Variants in ATP1A3 observed in about 807,000 individuals in gnomAD.
ATP1A3 encodes ATPase Na+/K+ transporting subunit alpha 3, also known as sodium/potassium-transporting ATPase subunit alpha-3.
A neutral mutation model predicts 108.8 loss-of-function variants in ATP1A3; 12 were observed. The ratio of observed to expected loss-of-function variants is 0.11; its 90% CI spans 0.07 to 0.18. The LOEUF is 0.18. Ranked by LOEUF, ATP1A3 falls within the 10% of genes least tolerant of loss-of-function variation. ATP1A3 has a pLI of 1.00. For missense variants in ATP1A3, 498 were observed against 1,387.7 expected, an observed-to-expected ratio of 0.36 and a Z score of 10.19; for synonymous variants, 539 against 564.5, an observed-to-expected ratio of 0.95 and a Z score of 0.64.
Position 41,994,106 on chromosome 19 carries a change from C to T in ATP1A3, c.-30G>A. The T allele has an allele frequency of 1.3e-6, 2 of 1,571,520 alleles. No homozygotes were observed. The highest frequency in any genetic ancestry group is 1.7e-6 in the Non-Finnish European group (2 of 1,163,612). ...GCGGCTCCGCGGCGAGAGAGCCAGG[C>T]GGGCGGGGCGGGGACCTCGGGGCGG... is the stretch of plus-strand genomic sequence containing the variant. On this transcript the variant is annotated 5_prime_UTR_variant, in exon 1 of 23. Transcript: ENST00000648268.
Position 41,966,838 on chromosome 19 carries a change from G to A in ATP1A3, c.*99C>T, listed in dbSNP as rs1555858636. ...GGGCCAAGGTGGGGCCACAGGAAGA[G>A]AGGGCTCCTCCCCCCAGAATACAAA... On this transcript the variant is annotated 3_prime_UTR_variant, in exon 23 of 23. Transcript: ENST00000648268. 2 of 1,547,178 alleles carry A rather than the reference G, an allele frequency of 1.3e-6. No homozygotes were observed. The highest frequency in any genetic ancestry group is 4.9e-5 in the East Asian group (2 of 40,872).
rs569173040 is a variant in ATP1A3 at position 41,978,955 on chromosome 19, G to A, written c.1438-157C>T. ...CAGAGACCTCTGCTCATTCCTGTCCGCTCTGTCTATGTCATGGATATATAT... is the reference window on the plus strand; with the variant it reads ...CAGAGACCTCTGCTCATTCCTGTCCACTCTGTCTATGTCATGGATATATAT... On this transcript the variant is annotated intron_variant, in intron 11 of 22. Transcript: ENST00000648268. This position sits in a 1 kb window ranked among gnomAD's most constrained non-coding sequence, Gnocchi z 8.3. Among the ~76,000 whole-genome samples, 1 of 152,134 alleles carries A rather than the reference G, an allele frequency of 6.6e-6. No homozygotes were observed. The highest frequency in any genetic ancestry group is 1.9e-4 in the East Asian group (1 of 5,180).
Position 41,982,334 on chromosome 19 carries a change from A to G in ATP1A3, c.994-228T>C, listed in dbSNP as rs1008952646. ...TGCTCATAGCAGCCACATGCATAAT[A>G]GTGCAAAACAGCCAGGTGCAGTGGC... On this transcript the variant is annotated intron_variant, in intron 8 of 22. Coordinates refer to ENST00000648268, the MANE Select transcript of ATP1A3 (RefSeq NM_152296.5). 2.6e-5 allele frequency among the ~76,000 whole-genome samples: 4 copies of G among 152,106 alleles called. No homozygotes were observed. In the East Asian group the frequency reaches 7.7e-4, roughly 29 times the overall value.
At chr19:41,980,550 T>C (rs1361193984) in intron 11 of ATP1A3, among the ~76,000 whole-genome samples, 1 of 151,966 alleles carries the variant, frequency 6.6e-6, no homozygotes, top group African/African-American at 2.4e-5. Context: ...GAGACAGAGG[T>C]TGCAGTGAGC....
intron 1 of ATP1A3, among the ~76,000 whole-genome samples, chr19:41,991,474 G>C (rs986462280): frequency 5.9e-5 from 9 of 152,198 alleles, no homozygotes; most frequent in Non-Finnish European, 1.0e-4. Flanking sequence ...CTACAGTGCC[G>C]GGGTGGTCTC....
rs769321266 is a variant in ATP1A3, at chr19:41,978,479, CCATTCATT to C, written c.1630+119_1630+126del. ...TAGGATACCTTCCCCTCTCATCCAT[CCATTCATT>C]CATTCATTCATTCATTTACAGTATA... On this transcript the variant is annotated intron_variant, in intron 12 of 22. Transcript: ENST00000648268. This position sits in a 1 kb window ranked among gnomAD's most constrained non-coding sequence, Gnocchi z 8.3. 6.7e-6 allele frequency: 10 copies of C among 1,482,076 alleles called. No individual in the cohort carries two copies. In the South Asian group the frequency reaches 8.1e-5, roughly 12 times the overall value. The allele number at this position is 1,482,076 out of a possible 1,614,324, so 91.8% of individuals were successfully genotyped here.
Position 41,984,382 on chromosome 19 carries a change from C to T in ATP1A3, c.993+536G>A, listed in dbSNP as rs568415132. The T allele has an allele frequency of 8.9e-5, 14 of 156,828 alleles. No individual in the cohort carries two copies. The South Asian group carries it at 1.5e-3, about 17-fold the overall frequency. 9.7% of individuals were successfully genotyped at this position (156,828 alleles called of 1,614,324 possible). A position where few individuals can be genotyped will look rare whatever the true frequency, so the allele number is the denominator to read the frequency against. On this transcript the variant is annotated intron_variant, in intron 8 of 22. Coordinates refer to ENST00000648268, the MANE Select transcript of ATP1A3 (RefSeq NM_152296.5). ...CTGGGATTACAGGCATGTGCCACCACGCCCCACTAATTTTGTATTTTCAGT... is the reference window on the plus strand; with the variant it reads ...CTGGGATTACAGGCATGTGCCACCATGCCCCACTAATTTTGTATTTTCAGT...
chr19:41,970,150 T>G, intron 18 of ATP1A3, 35 bp downstream of exon 18: 2 of 1,614,176 alleles, frequency 1.2e-6, no homozygotes, highest in Non-Finnish European at 1.7e-6. Flanking sequence ...GGCCCGGCAC[T>G]GGGTGGTAAG....
At position 41,967,954 on chromosome 19, in the gene ATP1A3, C is replaced by T. The variant is rs782352317; in HGVS notation, c.2820-191G>A. ...CGACAGAGAGAGACAAAGATAGAGG[C>T]AGAGCGATGGTGACACAGAAAGAGA... On this transcript the variant is annotated intron_variant, in intron 20 of 22. Coordinates refer to ENST00000648268, the MANE Select transcript of ATP1A3 (RefSeq NM_152296.5). The surrounding 1 kb of genome is among the most constrained non-coding windows in gnomAD (Gnocchi z 4.2). Among the ~76,000 whole-genome samples the T allele has an allele frequency of 6.6e-6, 1 of 151,758 alleles. No individual in the cohort carries two copies. Among genetic ancestry groups the T allele is most frequent in the East Asian group, 1.9e-4 (1 of 5,186 alleles).
intron 4 of ATP1A3, among the ~76,000 whole-genome samples, chr19:41,987,348 G>A (rs1282999380): frequency 6.6e-6 from 1 of 152,188 alleles, no homozygotes; most frequent in African/African-American, 2.4e-5. Flanking sequence ...CAGTGTGTGT[G>A]TGAGTTTCTC....
intron 16 of ATP1A3, among the ~76,000 whole-genome samples, chr19:41,972,860 A>C (rs1568856385): frequency 7.5e-6 from 1 of 132,752 alleles, no homozygotes; most frequent in African/African-American, 2.9e-5. Context: ...GAAGGAAGGA[A>C]AGAAGGAAGG....
chr19:41,985,485 G>T lies in ATP1A3; in HGVS notation c.607-62C>A. 5.4e-6 allele frequency: 8 copies of T among 1,489,232 alleles called. No individual in the cohort carries two copies. Among genetic ancestry groups the T allele is most frequent in the Non-Finnish European group, 7.5e-6 (8 of 1,066,932 alleles). 92.3% of individuals were successfully genotyped at this position (1,489,232 alleles called of 1,614,324 possible). ...GGGCCTGGGACAGGAGGGTATTTGT[G>T]TACAGGGCTTGGGGCTGAAGCCTGT... On this transcript the variant is annotated intron_variant, in intron 6 of 22. Coordinates refer to ENST00000648268, the MANE Select transcript of ATP1A3 (RefSeq NM_152296.5). The surrounding 1 kb of genome is among the most constrained non-coding windows in gnomAD (Gnocchi z 8.2).
chr19:41,984,217 T>TTTTA (rs1403015201), intron 8 of ATP1A3: 15 of 151,982 alleles, frequency 9.9e-5, no homozygotes, highest in African/African-American at 2.2e-4. Context: ...TATTATTTTA[T>TTTTA]TTTATTTATT....
chr19:41,982,137 A>C, intron 8 of ATP1A3, 31 bp from the exon 9 acceptor site: 1 of 1,613,798 alleles, frequency 6.2e-7, no homozygotes, highest in Non-Finnish European at 8.5e-7. Context: ...GGCAAGTTAC[A>C]GGGACAAGCC....
At chr19:41,992,339 C>T (rs1197107965) in intron 1 of ATP1A3, among the ~76,000 whole-genome samples, 2 of 152,116 alleles carry the variant, frequency 1.3e-5, no homozygotes, top group Non-Finnish European at 2.9e-5. Context: ...CCCAGATGGG[C>T]GCGCTGCGGG....
At chr19:41,969,054 G>T in intron 19 of ATP1A3, 139 bp from the exon 20 acceptor site, 1 of 1,303,756 alleles carries the variant, frequency 7.7e-7, no homozygotes, top group Middle Eastern at 2.5e-4. Context: ...TTCCTTCTGC[G>T]GGCTCATAGT....
At position 41,981,981 on chromosome 19, in the gene ATP1A3, C is replaced by T. The variant is rs1555863656; in HGVS notation, c.1119G>A (p.Gln373=). ...ACATGTGGGCGACTGTCATGCGGTT[C>T]TGAGTGAGGGTCCCTGTCTTATCTG... ...ICSDKTGTLT[Q]NRMTVAHMWF... The change falls in exon 9 of 23, where the codon CAG becomes CAA. Residue 373 remains glutamine, a synonymous_variant. Transcript: ENST00000648268. This position sits in a 1 kb window ranked among gnomAD's most constrained non-coding sequence, Gnocchi z 5.0. 4 of 1,614,086 alleles carry T rather than the reference C, an allele frequency of 2.5e-6. No individual in the cohort carries two copies. The highest frequency in any genetic ancestry group is 2.5e-6 in the Non-Finnish European group (3 of 1,180,044).
At chr19:41,986,276 C>A (rs782508469) in intron 4 of ATP1A3, 47 bp from the exon 5 acceptor site, 2 of 1,585,132 alleles carry the variant, frequency 1.3e-6, no homozygotes, top group Admixed American at 1.7e-5. Context: ...CCAAGCCACT[C>A]TCCACCAGTC....
chr19:41,984,749 G>T, intron 8 of ATP1A3, 169 bp downstream of exon 8: 6 of 750,234 alleles, frequency 8.0e-6, no homozygotes, highest in South Asian at 3.9e-5. Flanking sequence ...CCCCTTCTCC[G>T]GACCCAGGGG....
Sources: gnomAD v4.1 joint callset for allele counts (sites outside exome capture counted in the v4.1 genomes callset) on GRCh38, gnomAD v4.1.1 for gene constraint, Gnocchi (gnomAD v3.1) non-coding constraint, MANE v1.5 for transcripts, NCBI Gene and HGNC (gene_info 2026-07-23, HGNC 2026-07-21) for gene names.